DLGAP2: variants seen among roughly 807,000 people sequenced by gnomAD.
DLGAP2 encodes the protein disks large-associated protein 2.
A neutral mutation model predicts 100.3 loss-of-function variants in DLGAP2; 26 were observed. That is an observed-to-expected ratio of 0.26 (90% CI 0.19 to 0.36). DLGAP2 has a LOEUF of 0.36. Among genes scored for constraint, DLGAP2 ranks in the 10% least tolerant of loss-of-function variants. DLGAP2 has a pLI of 1.00. For missense variants in DLGAP2, 1,858 were observed against 1,453.2 expected (o/e 1.28, Z -4.53); for synonymous variants, 886 against 630.1 (o/e 1.41, Z -6.08).
intron 2 of DLGAP2, among the ~76,000 whole-genome samples, chr8:1,000,515 G>A (rs1309633260): frequency 6.7e-6 from 1 of 150,176 alleles, no homozygotes; most frequent in African/African-American, 2.4e-5. Flanking sequence ...CTTTTGCAAT[G>A]GATTTTCTAT....
chr8:820,635 T>A (rs375012296), intron 1 of DLGAP2, among the ~76,000 whole-genome samples: 2 of 152,216 alleles, frequency 1.3e-5, no homozygotes, highest in East Asian at 3.8e-4. Flanking sequence ...AGAAGATTGT[T>A]GATATGTGGC....
intron 3 of DLGAP2, among the ~76,000 whole-genome samples, chr8:1,299,684 A>G (rs1001414591): frequency 2.6e-5 from 4 of 152,212 alleles, no homozygotes; most frequent in Non-Finnish European, 5.9e-5. Context: ...ATATTTTTAA[A>G]TTATTTTTTT....
chr8:967,983 A>G (rs778004484), intron 2 of DLGAP2, among the ~76,000 whole-genome samples: 1 of 149,722 alleles, frequency 6.7e-6, no homozygotes, highest in Non-Finnish European at 1.5e-5. Context: ...TTTAGTCTGT[A>G]GCTTCTCTCC....
intron 4 of DLGAP2, among the ~76,000 whole-genome samples, chr8:1,515,682 CACA>C (rs893178600): frequency 3.3e-4 from 50 of 152,092 alleles, no homozygotes; most frequent in African/African-American, 1.0e-3. Flanking sequence ...TGTTGACACA[CACA>C]ACATGCACAA....
rs775692644 is a variant in DLGAP2, at chr8:1,155,292, T to A, written c.74-103559T>A. ...CTGCACTCCGTCTTCCCGGAGGGAG[T>A]GGTTTCCAACACGCTTTCTTGGCCT... On this transcript the variant is annotated intron_variant, in intron 2 of 14. Transcript: ENST00000637795. Among the ~76,000 whole-genome samples the A allele has an allele frequency of 4.6e-5, 7 of 151,590 alleles. 1 individual carries two copies. Among genetic ancestry groups the A allele is most frequent in the Non-Finnish European group, 1.5e-5 (1 of 67,926 alleles).
At chr8:1,163,802 G>A (rs1209980352) in intron 2 of DLGAP2, among the ~76,000 whole-genome samples, 2 of 152,220 alleles carry the variant, frequency 1.3e-5, no homozygotes, top group Admixed American at 6.5e-5. Context: ...CGGTGAGGAA[G>A]CAGCTGCCCG....
At chr8:1,626,446 C>T (rs553051330) in intron 6 of DLGAP2, among the ~76,000 whole-genome samples, 1 of 137,386 alleles carries the variant, frequency 7.3e-6, no homozygotes, top group East Asian at 2.2e-4. Flanking sequence ...GTGGGTTGGA[C>T]GGCTGTTCCC....
intron 12 of DLGAP2, among the ~76,000 whole-genome samples, chr8:1,683,854 A>ATGTG (rs1194440969): frequency 2.5e-4 from 18 of 72,946 alleles, no homozygotes; most frequent in East Asian, 9.9e-4. Flanking sequence ...ATATATATAT[A>ATGTG]TATGTGTGTG....
intron 4 of DLGAP2, among the ~76,000 whole-genome samples, chr8:1,545,231 A>G (rs1023043954): frequency 6.6e-6 from 1 of 152,184 alleles, no homozygotes; most frequent in South Asian, 2.1e-4. Context: ...AAATATTGAT[A>G]GAATTCACCT....
At chr8:1,523,987 C>T (rs1018061291) in intron 4 of DLGAP2, among the ~76,000 whole-genome samples, 5 of 152,192 alleles carry the variant, frequency 3.3e-5, no homozygotes, top group Non-Finnish European at 4.4e-5. Context: ...GAGACTCCGC[C>T]GCAAGTCCGG....
At chr8:1,425,257 T>G (rs1031487388) in intron 3 of DLGAP2, among the ~76,000 whole-genome samples, 1 of 152,210 alleles carries the variant, frequency 6.6e-6, no homozygotes, top group Admixed American at 6.5e-5. Flanking sequence ...TCTGTCTGTA[T>G]TTTAAAGAAT....
intron 10 of DLGAP2, 151 bp from the exon 11 acceptor site, chr8:1,676,382 C>A: frequency 2.8e-6 from 2 of 723,380 alleles, no homozygotes; most frequent in South Asian, 3.5e-5. Context: ...GAATGCATTT[C>A]CCTCTCTGCG....
At chr8:1,590,048 C>T (rs187258142) in intron 6 of DLGAP2, among the ~76,000 whole-genome samples, 22 of 152,308 alleles carry the variant, frequency 1.4e-4, no homozygotes, top group African/African-American at 5.3e-4. Flanking sequence ...GGGGAGGATC[C>T]CTCCTTCCGC....
At chr8:1,172,471 C>T (rs1415324357) in intron 2 of DLGAP2, among the ~76,000 whole-genome samples, 24 of 152,168 alleles carry the variant, frequency 1.6e-4, no homozygotes, top group Non-Finnish European at 2.5e-4. Flanking sequence ...TAATATCCTG[C>T]AGAGTGTTTT....
chr8:1,048,554 T>G (rs1241660740), intron 2 of DLGAP2, among the ~76,000 whole-genome samples: 1 of 151,816 alleles, frequency 6.6e-6, no homozygotes, highest in Admixed American at 6.6e-5. Context: ...CCGTCTCTTC[T>G]GCTTGAAATG....
At chr8:1,058,947 T>TTTA (rs1802967312) in intron 2 of DLGAP2, among the ~76,000 whole-genome samples, 2 of 152,328 alleles carry the variant, frequency 1.3e-5, no homozygotes, top group African/African-American at 4.8e-5. Context: ...TGAGGTGGAA[T>TTTA]GCAATTCAGC....
Position 1,545,132 on chromosome 8 carries a change from G to C in DLGAP2, c.173-3494G>C, listed in dbSNP as rs1584911034. Among the ~76,000 whole-genome samples, 3 of 152,224 alleles carry C rather than the reference G, an allele frequency of 2.0e-5. No individual in the cohort carries two copies. In the East Asian group the frequency reaches 5.8e-4, roughly 29 times the overall value. On this transcript the variant is annotated intron_variant, in intron 4 of 14. Transcript: ENST00000637795. ...TTGCTAGCAGGGTAATTCTGGCCCT[G>C]ATAGAATTACCATAGAATGGGCTTG...
chr8:1,487,293 G>A (rs1008789164), intron 3 of DLGAP2, among the ~76,000 whole-genome samples: 4 of 152,204 alleles, frequency 2.6e-5, no homozygotes, highest in African/African-American at 9.7e-5. Context: ...GGCTAGGCCT[G>A]GGGATATAGA....
intron 2 of DLGAP2, among the ~76,000 whole-genome samples, chr8:1,082,610 C>G (rs935809674): frequency 4.6e-5 from 7 of 152,210 alleles, no homozygotes; most frequent in Admixed American, 2.0e-4. Flanking sequence ...CACGCTGTGT[C>G]AATCATCTGC....
Sources: gnomAD v4.1 joint callset for allele counts (sites outside exome capture counted in the v4.1 genomes callset) on GRCh38, gnomAD v4.1.1 for gene constraint, MANE v1.5 for transcripts, NCBI Gene and HGNC (gene_info 2026-07-23, HGNC 2026-07-21) for gene names.